The following WWTR1 variants were observed in gnomAD, a reference collection of about 807,000 sequenced individuals.
The protein encoded by WWTR1 is WW domain-containing transcription regulator protein 1.
Under a neutral mutation model 40.1 loss-of-function variants are expected in WWTR1, and 13 were observed. That is an observed-to-expected ratio of 0.32 (90% CI 0.21 to 0.52). WWTR1 has a LOEUF of 0.52. Ranked by LOEUF, WWTR1 falls within the 20% of genes least tolerant of loss-of-function variation. The probability of loss-of-function intolerance (pLI) is 0.97; values close to 1 mark genes in which losing one functional copy is unlikely to be tolerated. For synonymous variants in WWTR1, 230 were observed against 210.1 expected (o/e 1.09, Z -0.82); for missense variants, 436 against 523.1 (o/e 0.83, Z 1.63).
chr3:149,703,924 C>A (rs1207669341), upstream of WWTR1, among the ~76,000 whole-genome samples: 1 of 152,168 alleles, frequency 6.6e-6, no homozygotes, highest in Non-Finnish European at 1.5e-5. Context: ...CCAAAATAAA[C>A]CTCTTTACCT....
At chr3:149,560,056 A>C (rs866440602) in intron 3 of WWTR1, among the ~76,000 whole-genome samples, 1 of 152,140 alleles carries the variant, frequency 6.6e-6, no homozygotes, top group Non-Finnish European at 1.5e-5. Context: ...GTCAAGCTTG[A>C]GATCTGTTGT....
intron 4 of WWTR1, among the ~76,000 whole-genome samples, chr3:149,719,468 C>A (rs1421171851): frequency 3.3e-5 from 5 of 152,134 alleles, no homozygotes; most frequent in Non-Finnish European, 7.4e-5. Context: ...CTGTGCCCAG[C>A]CTTAAGGCTG....
chr3:149,639,609 T>A (rs1487395181), intron 2 of WWTR1, among the ~76,000 whole-genome samples: 1 of 152,190 alleles, frequency 6.6e-6, no homozygotes, highest in Non-Finnish European at 1.5e-5. Flanking sequence ...AGGTCTCTTA[T>A]AAACTCATAT....
intron 2 of WWTR1, among the ~76,000 whole-genome samples, chr3:149,639,231 CTCTT>C (rs1401093070): frequency 1.3e-5 from 2 of 152,122 alleles, no homozygotes; most frequent in African/African-American, 4.8e-5. Flanking sequence ...TATACAGGGT[CTCTT>C]TCTGTTGCCC....
intron 2 of WWTR1, among the ~76,000 whole-genome samples, chr3:149,610,979 CA>C (rs5853428): frequency 2.0e-4 from 29 of 143,426 alleles, no homozygotes; most frequent in East Asian, 4.1e-4. Flanking sequence ...CCCATCTGTA[CA>C]AAAAAAAAAA....
chr3:149,546,240 G>A (rs1476590174), intron 3 of WWTR1, among the ~76,000 whole-genome samples: 3 of 152,178 alleles, frequency 2.0e-5, no homozygotes, highest in Admixed American at 1.3e-4. Flanking sequence ...GGAAAAGGGT[G>A]GAACTTAGAT....
intron 1 of WWTR1, among the ~76,000 whole-genome samples, chr3:149,676,505 T>C (rs926936050): frequency 2.5e-4 from 38 of 152,198 alleles, no homozygotes; most frequent in African/African-American, 9.2e-4. Flanking sequence ...GTAGATGACC[T>C]GTCTGATGAT....
chr3:149,635,588 G>C (rs1248670691), intron 2 of WWTR1, among the ~76,000 whole-genome samples: 2 of 152,188 alleles, frequency 1.3e-5, no homozygotes, highest in South Asian at 4.2e-4. Context: ...GGAAGAGTAG[G>C]AGGAGAAGAG....
At chr3:149,649,688 G>T (rs1712737084) in intron 2 of WWTR1, among the ~76,000 whole-genome samples, 1 of 152,132 alleles carries the variant, frequency 6.6e-6, no homozygotes, top group African/African-American at 2.4e-5. Flanking sequence ...ATGCCATGGT[G>T]GGCAGATCAC....
chr3:149,593,812 T>C (rs898945267), intron 2 of WWTR1, among the ~76,000 whole-genome samples: 5 of 152,222 alleles, frequency 3.3e-5, no homozygotes, highest in African/African-American at 1.2e-4. Context: ...ATACAGTATA[T>C]CATTTAAAAT....
At chr3:149,646,046 T>C (rs1420648065) in intron 2 of WWTR1, among the ~76,000 whole-genome samples, 1 of 152,202 alleles carries the variant, frequency 6.6e-6, no homozygotes, top group Non-Finnish European at 1.5e-5. Context: ...CTTTGTGCCA[T>C]AGATTTCCAT....
intron 1 of WWTR1, among the ~76,000 whole-genome samples, chr3:149,689,102 C>G (rs914071301): frequency 6.6e-6 from 1 of 152,030 alleles, no homozygotes; most frequent in East Asian, 1.9e-4. Flanking sequence ...CATGGGCATG[C>G]TTGGAGTGGT....
intron 2 of WWTR1, among the ~76,000 whole-genome samples, chr3:149,579,891 T>C (rs1158329062): frequency 6.6e-6 from 1 of 152,194 alleles, no homozygotes; most frequent in Non-Finnish European, 1.5e-5. Context: ...CCCACTAGTG[T>C]TAAAAATGGA....
intron 6 of WWTR1, among the ~76,000 whole-genome samples, chr3:149,524,722 G>A (rs1735213490): frequency 6.6e-6 from 1 of 152,148 alleles, no homozygotes; most frequent in South Asian, 2.1e-4. Context: ...AAGACACCTG[G>A]CTATGAGTTT....
intron 2 of WWTR1, among the ~76,000 whole-genome samples, chr3:149,602,162 C>T (rs1236823567): frequency 6.6e-6 from 1 of 151,904 alleles, no homozygotes; most frequent in Non-Finnish European, 1.5e-5. Flanking sequence ...AATTTTCCCC[C>T]ACAGGAGAAA....
intron 3 of WWTR1, among the ~76,000 whole-genome samples, chr3:149,548,098 G>T (rs905809020): frequency 3.3e-5 from 5 of 152,082 alleles, no homozygotes; most frequent in Middle Eastern, 3.4e-3. Flanking sequence ...TGACCCTCTG[G>T]TTAGTGCTGC....
chr3:149,589,148 G>A (rs1560074096), intron 2 of WWTR1, among the ~76,000 whole-genome samples: 1 of 152,126 alleles, frequency 6.6e-6, no homozygotes, highest in East Asian at 1.9e-4. Context: ...GGACAATCTG[G>A]GGCATCTTAT....
At chr3:149,642,857 AC>A (rs1712264404) in intron 2 of WWTR1, among the ~76,000 whole-genome samples, 1 of 152,148 alleles carries the variant, frequency 6.6e-6, no homozygotes, top group African/African-American at 2.4e-5. Flanking sequence ...TAAAACAAAG[AC>A]CCAAAAAGTG....
At position 149,664,906 on chromosome 3, in the gene WWTR1, G is replaced by A. The variant is rs1346903943; in HGVS notation, c.-4+4882C>T. 2.0e-5 allele frequency among the ~76,000 whole-genome samples: 3 copies of A among 152,046 alleles called. No individual in the cohort carries two copies. The East Asian group carries it at 5.8e-4, about 29-fold the overall frequency. On this transcript the variant is annotated intron_variant, in intron 2 of 7. Transcript: ENST00000465804. The stretch of plus-strand genomic sequence containing the variant: ...GCCCGGCCAGAAGGCACTATCTTTT[G>A]TCTGATGTTATCTGTTGCTTTAGTA...
Sources: gnomAD v4.1 joint callset for allele counts (sites outside exome capture counted in the v4.1 genomes callset) on GRCh38, gnomAD v4.1.1 for gene constraint, MANE v1.5 for transcripts, NCBI Gene and HGNC (gene_info 2026-07-23, HGNC 2026-07-21) for gene names.